The following SKAP2 variants were observed in gnomAD, a reference collection of about 807,000 sequenced individuals.
The protein encoded by SKAP2 is src kinase-associated phosphoprotein 2.
In SKAP2, 28 loss-of-function variants were observed where a neutral mutation model predicts 54.9. The ratio of observed to expected loss-of-function variants is 0.51; its 90% CI spans 0.38 to 0.70. The LOEUF (loss-of-function observed/expected upper bound fraction) is 0.70. SKAP2 is among the 30% of genes least tolerant of loss of function. The probability of loss-of-function intolerance (pLI) is 0.00; values close to 1 mark genes in which losing one functional copy is unlikely to be tolerated. For synonymous variants in SKAP2, 137 were observed against 134.3 expected, an observed-to-expected ratio of 1.02 and a Z score of -0.14; for missense variants, 356 against 424.1, an observed-to-expected ratio of 0.84 and a Z score of 1.41.
chr7:26,692,345 AT>A (rs1786804163), intron 9 of SKAP2, among the ~76,000 whole-genome samples: 1 of 152,186 alleles, frequency 6.6e-6, no homozygotes, highest in Non-Finnish European at 1.5e-5. Context: ...AATTTAATGT[AT>A]TGGTGAGGCA....
intron 1 of SKAP2, among the ~76,000 whole-genome samples, chr7:26,859,556 A>G (rs1785239403): frequency 6.6e-6 from 1 of 152,232 alleles, no homozygotes; most frequent in South Asian, 2.1e-4. Flanking sequence ...TGGGTAAAAA[A>G]TACCAGAGTC....
the SKAP2 span, among the ~76,000 whole-genome samples, chr7:26,660,350 C>A: frequency 6.6e-6 from 1 of 152,042 alleles, no homozygotes; most frequent in African/African-American, 2.4e-5. Flanking sequence ...AATCTTCTAG[C>A]ATGAAACGGG....
rs548774811 is a variant in SKAP2, at chr7:26,833,456, T to C, written c.307+10574A>G. On this transcript the variant is annotated intron_variant, in intron 4 of 12. Transcript: ENST00000345317. ...TGGATAAAGAGTCAACACCCATAGG[T>C]GTGCTGTATTCAGGAGACCCATCTG... Among the ~76,000 whole-genome samples, 3 of 148,206 alleles carry C rather than the reference T, an allele frequency of 2.0e-5. No individual in the cohort carries two copies. In the East Asian group the frequency reaches 5.9e-4, roughly 29 times the overall value.
chr7:26,686,814 A>C (rs969748991), intron 10 of SKAP2, among the ~76,000 whole-genome samples: 24 of 152,184 alleles, frequency 1.6e-4, no homozygotes, highest in Admixed American at 1.3e-3. Flanking sequence ...GCCTTCCCCC[A>C]CAGTAACATG....
At chr7:26,685,873 G>A (rs1251543219) in intron 10 of SKAP2, among the ~76,000 whole-genome samples, 1 of 152,100 alleles carries the variant, frequency 6.6e-6, no homozygotes, top group East Asian at 1.9e-4. Context: ...TAAGATGTCC[G>A]TGTGTTCACT....
At chr7:26,782,635 G>T (rs1028015467) in intron 4 of SKAP2, among the ~76,000 whole-genome samples, 1 of 152,084 alleles carries the variant, frequency 6.6e-6, no homozygotes, top group Non-Finnish European at 1.5e-5. Flanking sequence ...AGGCTTCAGT[G>T]AGCTATGATC....
At chr7:26,661,420 T>C in the SKAP2 span, among the ~76,000 whole-genome samples, 1 of 152,098 alleles carries the variant, frequency 6.6e-6, no homozygotes, top group African/African-American at 2.4e-5. Context: ...GATTAGACAA[T>C]GGGCAAAGGA....
At chr7:26,852,738 AC>A (rs1330423795) in intron 3 of SKAP2, among the ~76,000 whole-genome samples, 2 of 152,230 alleles carry the variant, frequency 1.3e-5, no homozygotes, top group African/African-American at 4.8e-5. Context: ...ATATGCAATT[AC>A]ACAATTACTT....
intron 9 of SKAP2, among the ~76,000 whole-genome samples, chr7:26,721,787 AG>A (rs1787583525): frequency 6.6e-6 from 1 of 152,204 alleles, no homozygotes; most frequent in Admixed American, 6.5e-5. Context: ...CTGCCATTAA[AG>A]AAAAAAAATC....
chr7:26,772,597 G>A (rs548842500), intron 4 of SKAP2, among the ~76,000 whole-genome samples: 11 of 152,154 alleles, frequency 7.2e-5, no homozygotes, highest in African/African-American at 1.9e-4. Flanking sequence ...TGATATATAC[G>A]TACCACCTTT....
chr7:26,760,326 T>A (rs7784257), intron 4 of SKAP2, among the ~76,000 whole-genome samples: 1 of 151,856 alleles, frequency 6.6e-6, no homozygotes, highest in African/African-American at 2.4e-5. Context: ...AGAGAGTAAA[T>A]GAAATCTTTT....
intron 9 of SKAP2, among the ~76,000 whole-genome samples, chr7:26,713,208 G>A (rs566136138): frequency 4.6e-5 from 7 of 152,130 alleles, no homozygotes; most frequent in Non-Finnish European, 7.3e-5. Flanking sequence ...TTGGCTTTTT[G>A]CATTTATCCA....
chr7:26,730,365 TA>T (rs1465328108), intron 6 of SKAP2, among the ~76,000 whole-genome samples: 3 of 152,210 alleles, frequency 2.0e-5, no homozygotes, highest in African/African-American at 7.2e-5. Flanking sequence ...TGTGAAAGAC[TA>T]ATATTTTATC....
chr7:26,752,143 G>A (rs952298609), intron 4 of SKAP2, among the ~76,000 whole-genome samples: 2 of 152,090 alleles, frequency 1.3e-5, no homozygotes, highest in African/African-American at 4.8e-5. Flanking sequence ...CACTTGTGAG[G>A]AGTGGGCCAA....
intron 4 of SKAP2, among the ~76,000 whole-genome samples, chr7:26,770,426 G>A (rs1487675721): frequency 6.6e-6 from 1 of 152,104 alleles, no homozygotes; most frequent in Non-Finnish European, 1.5e-5. Flanking sequence ...AAGACTACTT[G>A]GCTCCCTGGC....
intron 9 of SKAP2, among the ~76,000 whole-genome samples, chr7:26,694,912 A>G (rs1298094238): frequency 3.9e-5 from 6 of 152,178 alleles, no homozygotes; most frequent in African/African-American, 1.4e-4. Flanking sequence ...CTGTCTAGCT[A>G]TGCAGTTTTT....
At chr7:26,833,348 A>G (rs1784636432) in intron 4 of SKAP2, among the ~76,000 whole-genome samples, 1 of 150,074 alleles carries the variant, frequency 6.7e-6, no homozygotes, top group South Asian at 2.1e-4. Context: ...GTGAGCTGAG[A>G]TCGCGCCACT....
chr7:26,844,010 C>T lies in SKAP2; in HGVS notation c.307+20G>A, dbSNP rs747537995. 1.1e-5 allele frequency: 16 copies of T among 1,423,336 alleles called. No individual in the cohort carries two copies. The highest frequency in any genetic ancestry group is 9.9e-5 in the African/African-American group (7 of 71,042). The allele number at this position is 1,423,336 out of a possible 1,614,324, so 88.2% of individuals were successfully genotyped here. On this transcript the variant is annotated intron_variant, in intron 4 of 12. Transcript: ENST00000345317. ...TTGTTTTGTGTGAGTGTCAGAGTTA[C>T]GTGGGAAAATGTCACATACCATCAG...
intron 9 of SKAP2, among the ~76,000 whole-genome samples, chr7:26,715,792 A>G (rs967702098): frequency 2.0e-5 from 3 of 152,158 alleles, no homozygotes; most frequent in African/African-American, 7.2e-5. Context: ...CCCCCAAAAA[A>G]AGAGTTAACA....
Sources: gnomAD v4.1 joint callset for allele counts (sites outside exome capture counted in the v4.1 genomes callset) on GRCh38, gnomAD v4.1.1 for gene constraint, MANE v1.5 for transcripts, NCBI Gene and HGNC (gene_info 2026-07-23, HGNC 2026-07-21) for gene names.